Variants in DIP2C observed in about 807,000 individuals in gnomAD.
DIP2C encodes disco-interacting protein 2 homolog C.
Under a neutral mutation model 192.4 loss-of-function variants are expected in DIP2C, and 33 were observed. That is an observed-to-expected ratio of 0.17 (90% CI 0.13 to 0.23). DIP2C has a LOEUF of 0.23. Among genes scored for constraint, DIP2C ranks in the 10% least tolerant of loss-of-function variants. DIP2C has a pLI of 1.00. For missense variants in DIP2C, 1,537 were observed against 2,110.1 expected, an observed-to-expected ratio of 0.73 and a Z score of 5.32; for synonymous variants, 979 against 864.1, an observed-to-expected ratio of 1.13 and a Z score of -2.33.
chr10:488,493 C>CA (rs1203315190), intron 1 of DIP2C, among the ~76,000 whole-genome samples: 13 of 152,220 alleles, frequency 8.5e-5, no homozygotes, highest in African/African-American at 2.9e-4. Context: ...TGTCCAGCTC[C>CA]AAAACCATGT....
chr10:446,534 A>G (rs1968235993), intron 3 of DIP2C, among the ~76,000 whole-genome samples: 1 of 152,214 alleles, frequency 6.6e-6, no homozygotes, highest in South Asian at 2.1e-4. Context: ...CGGTAAATCA[A>G]GTGTCTCATG....
At chr10:471,380 C>T (rs1034092499) in intron 3 of DIP2C, among the ~76,000 whole-genome samples, 4 of 152,154 alleles carry the variant, frequency 2.6e-5, no homozygotes, top group African/African-American at 7.2e-5. Context: ...TTCATTACAG[C>T]ACGACTGACA....
At chr10:359,125 C>T (rs1362373541) in intron 22 of DIP2C, among the ~76,000 whole-genome samples, 1 of 152,130 alleles carries the variant, frequency 6.6e-6, no homozygotes, top group East Asian at 1.9e-4. Context: ...GGCAGTGGCA[C>T]AGAACAAGGC....
intron 1 of DIP2C, among the ~76,000 whole-genome samples, chr10:507,360 C>CA (rs1193532664): frequency 6.6e-6 from 1 of 151,784 alleles, no homozygotes; most frequent in Non-Finnish European, 1.5e-5. Flanking sequence ...CCGCTGTGTC[C>CA]AACCAGAGCT....
At chr10:290,487 A>C (rs1955436518) in intron 32 of DIP2C, among the ~76,000 whole-genome samples, 1 of 152,192 alleles carries the variant, frequency 6.6e-6, no homozygotes, top group African/African-American at 2.4e-5. Context: ...GGTGGCATGC[A>C]CATACTTGGG....
intron 3 of DIP2C, among the ~76,000 whole-genome samples, chr10:462,376 C>CCAT (rs1449008735): frequency 6.6e-6 from 1 of 151,796 alleles, no homozygotes; most frequent in Non-Finnish European, 1.5e-5. Flanking sequence ...ATACAAACTA[C>CCAT]CAGAGAATAC....
intron 3 of DIP2C, among the ~76,000 whole-genome samples, chr10:469,780 C>T (rs1011932498): frequency 2.6e-5 from 4 of 152,204 alleles, no homozygotes; most frequent in African/African-American, 7.2e-5. Flanking sequence ...CCATCATCTT[C>T]AGGATCAAGT....
intron 6 of DIP2C, among the ~76,000 whole-genome samples, chr10:417,480 C>T (rs1203830902): frequency 6.6e-6 from 1 of 152,188 alleles, no homozygotes; most frequent in African/African-American, 2.4e-5. Flanking sequence ...AAAGGCATTC[C>T]AGGAAAAGTC....
chr10:557,299 C>G (rs1345906826), intron 1 of DIP2C, among the ~76,000 whole-genome samples: 1 of 152,216 alleles, frequency 6.6e-6, no homozygotes, highest in African/African-American at 2.4e-5. Flanking sequence ...CAGCCCTGGA[C>G]AGAATCTTCA....
chr10:447,521 C>CCAT (rs1349846646), intron 3 of DIP2C, among the ~76,000 whole-genome samples: 1 of 147,550 alleles, frequency 6.8e-6, no homozygotes, highest in Non-Finnish European at 1.5e-5. Context: ...CCGCTCACTC[C>CCAT]CATCAATACT....
chr10:477,283 G>T (rs1444402818), intron 2 of DIP2C, among the ~76,000 whole-genome samples: 3 of 59,386 alleles, frequency 5.1e-5, no homozygotes, highest in Non-Finnish European at 9.0e-5. Context: ...GGAAGGGAAG[G>T]AAGAGACGGG....
intron 1 of DIP2C, among the ~76,000 whole-genome samples, chr10:597,665 C>T (rs998772769): frequency 2.0e-5 from 3 of 152,180 alleles, no homozygotes; most frequent in South Asian, 2.1e-4. Context: ...GCTCTTAATA[C>T]GTAAGAAATC....
Position 678,576 on chromosome 10 carries a change from T to C in DIP2C, c.85+10918A>G, listed in dbSNP as rs544901292. 2.0e-5 allele frequency among the ~76,000 whole-genome samples: 3 copies of C among 147,430 alleles called. No homozygotes were observed. In the East Asian group the frequency reaches 6.1e-4, roughly 30 times the overall value. On this transcript the variant is annotated intron_variant, in intron 1 of 36. Coordinates refer to ENST00000280886, the MANE Select transcript of DIP2C (RefSeq NM_014974.3). ...CCCATGCCCATGCTCCCCACGCCCGTCCTCCCTGCAGCCATGCTCCCCACA... is the reference window on the plus strand; with the variant it reads ...CCCATGCCCATGCTCCCCACGCCCGCCCTCCCTGCAGCCATGCTCCCCACA...
chr10:576,124 T>A (rs1850135493), intron 1 of DIP2C, among the ~76,000 whole-genome samples: 1 of 152,178 alleles, frequency 6.6e-6, no homozygotes, highest in Non-Finnish European at 1.5e-5. Context: ...ACCAAGAATC[T>A]AACTACGCTG....
chr10:303,250 T>C (rs952593028), intron 32 of DIP2C, among the ~76,000 whole-genome samples: 23 of 151,700 alleles, frequency 1.5e-4, no homozygotes, highest in African/African-American at 5.3e-4. Flanking sequence ...AAGACATCAC[T>C]GCATGAGGCT....
At chr10:359,174 G>A (rs569136138) in intron 22 of DIP2C, among the ~76,000 whole-genome samples, 3 of 152,200 alleles carry the variant, frequency 2.0e-5, no homozygotes, top group Non-Finnish European at 2.9e-5. Context: ...GATGTCCCTC[G>A]GCTTCCCAAA....
chr10:642,543 A>G (rs1855247035), intron 1 of DIP2C, among the ~76,000 whole-genome samples: 1 of 152,242 alleles, frequency 6.6e-6, no homozygotes, highest in Non-Finnish European at 1.5e-5. Context: ...CTCCTAACAC[A>G]TTGGCCAACA....
At chr10:593,246 T>G (rs551678542) in intron 1 of DIP2C, among the ~76,000 whole-genome samples, 1 of 152,248 alleles carries the variant, frequency 6.6e-6, no homozygotes, top group East Asian at 1.9e-4. Context: ...CATCGTCATC[T>G]GGGGCTCAGC....
chr10:573,975 C>A (rs1033915681), intron 1 of DIP2C, among the ~76,000 whole-genome samples: 1 of 152,192 alleles, frequency 6.6e-6, no homozygotes, highest in South Asian at 2.1e-4. Flanking sequence ...ACGTTCTGAA[C>A]GGTCCTCCCT....
Sources: allele counts gnomAD v4.1 joint callset (sites outside exome capture counted in the v4.1 genomes callset), GRCh38; gene constraint gnomAD v4.1.1; transcripts MANE v1.5; gene names NCBI Gene and HGNC (gene_info 2026-07-23, HGNC 2026-07-21).